Variants in STMN2 observed in about 807,000 individuals in gnomAD.
STMN2 encodes stathmin-2.
STMN2 carries 2 observed loss-of-function variants against 24.1 expected under a neutral mutation model. That is an observed-to-expected ratio of 0.08 (90% CI 0.03 to 0.26). STMN2 has a LOEUF of 0.26. STMN2 is among the 10% of genes least tolerant of loss of function. STMN2 has a pLI of 1.00. For missense variants in STMN2, 114 were observed against 213.6 expected, an observed-to-expected ratio of 0.53 and a Z score of 2.91; for synonymous variants, 83 against 77.5, an observed-to-expected ratio of 1.07 and a Z score of -0.37.
chr8:79,655,178 A>G, intron 4 of STMN2, 116 bp downstream of exon 4: 1 of 1,155,404 alleles, frequency 8.7e-7, no homozygotes, highest in Non-Finnish European at 1.2e-6. Context: ...TGTGAGGACA[A>G]CTAACTCCCA....
chr8:79,647,385 T>C (rs928919820), intron 3 of STMN2, among the ~76,000 whole-genome samples: 1 of 152,236 alleles, frequency 6.6e-6, no homozygotes, highest in South Asian at 2.1e-4. Context: ...AACTTACGAG[T>C]TCTCCTCCCT....
chr8:79,638,051 T>C (rs1810006955), intron 2 of STMN2, among the ~76,000 whole-genome samples: 1 of 152,366 alleles, frequency 6.6e-6, no homozygotes, highest in Non-Finnish European at 1.5e-5. Context: ...TTGTACAAAT[T>C]CATTCGGTCA....
At chr8:79,626,993 AG>A (rs1809673060) in intron 1 of STMN2, among the ~76,000 whole-genome samples, 1 of 152,188 alleles carries the variant, frequency 6.6e-6, no homozygotes, top group African/African-American at 2.4e-5. Context: ...TTCTGTGTTT[AG>A]GAAGACACAA....
chr8:79,645,385 C>T (rs79476409), intron 3 of STMN2, among the ~76,000 whole-genome samples: 6,999 of 152,150 alleles, frequency 0.046, 268 homozygotes, highest in East Asian at 0.22. Context: ...GTGTATTTTA[C>T]GTTTACAACT....
chr8:79,663,557 TA>T, intron 4 of STMN2: 1 of 1,456,468 alleles, frequency 6.9e-7, no homozygotes, highest in Non-Finnish European at 9.2e-7. Flanking sequence ...TAATAGAGTT[TA>T]ACGATAAGTT....
chr8:79,625,246 A>G (rs941843291), intron 1 of STMN2, among the ~76,000 whole-genome samples: 2 of 152,150 alleles, frequency 1.3e-5, no homozygotes, highest in Non-Finnish European at 2.9e-5. Flanking sequence ...ACCCAACTAT[A>G]TTGATGACTT....
At chr8:79,633,092 C>T (rs1377362401) in intron 1 of STMN2, among the ~76,000 whole-genome samples, 1 of 152,094 alleles carries the variant, frequency 6.6e-6, no homozygotes, top group Non-Finnish European at 1.5e-5. Flanking sequence ...GTTTGTTTCC[C>T]GATGACATAC....
At chr8:79,620,723 G>C (rs1418455379) in intron 1 of STMN2, among the ~76,000 whole-genome samples, 1 of 151,958 alleles carries the variant, frequency 6.6e-6, no homozygotes, top group Non-Finnish European at 1.5e-5. Context: ...CCACCAAAAG[G>C]CTGAAAAATT....
intron 1 of STMN2, among the ~76,000 whole-genome samples, chr8:79,623,243 G>A (rs1049235736): frequency 2.6e-5 from 4 of 152,148 alleles, no homozygotes; most frequent in Admixed American, 6.5e-5. Context: ...GGAAAGCAAC[G>A]CCTTTACAAT....
At chr8:79,639,998 G>A (rs1341263617) in intron 2 of STMN2, among the ~76,000 whole-genome samples, 6 of 152,174 alleles carry the variant, frequency 3.9e-5, no homozygotes, top group African/African-American at 1.4e-4. Flanking sequence ...TCAGGAGTTC[G>A]AGACCAGCCT....
intron 1 of STMN2, among the ~76,000 whole-genome samples, chr8:79,616,545 G>A (rs983777337): frequency 6.6e-6 from 1 of 152,030 alleles, no homozygotes; most frequent in Non-Finnish European, 1.5e-5. Context: ...AATACATCTG[G>A]CTTGAGGCAG....
chr8:79,621,323 T>C (rs187780573), intron 1 of STMN2, among the ~76,000 whole-genome samples: 1 of 152,210 alleles, frequency 6.6e-6, no homozygotes, highest in East Asian at 1.9e-4. Context: ...AGAAGTTGAG[T>C]TTTTAAATTG....
intron 1 of STMN2, among the ~76,000 whole-genome samples, chr8:79,619,411 C>T (rs932715706): frequency 1.7e-4 from 26 of 152,108 alleles, no homozygotes; most frequent in Admixed American, 6.6e-4. Context: ...AGTTTAACTT[C>T]CATTAACAAA....
intron 3 of STMN2, among the ~76,000 whole-genome samples, chr8:79,653,929 A>G (rs910934767): frequency 3.9e-5 from 6 of 152,210 alleles, no homozygotes; most frequent in African/African-American, 9.6e-5. Context: ...GTTACGTAAC[A>G]CATCCTGGGT....
chr8:79,662,953 C>T (rs1806531315), intron 4 of STMN2, among the ~76,000 whole-genome samples: 1 of 152,060 alleles, frequency 6.6e-6, no homozygotes, highest in Non-Finnish European at 1.5e-5. Context: ...AATAGCAGAA[C>T]AAAAAGAAGA....
intron 2 of STMN2, among the ~76,000 whole-genome samples, chr8:79,638,887 TG>T (rs1486825830): frequency 2.0e-5 from 3 of 152,190 alleles, no homozygotes; most frequent in Non-Finnish European, 4.4e-5. Context: ...TATTTGCCCG[TG>T]TTCTCTTATA....
chr8:79,614,746 T>C (rs1809343441), intron 1 of STMN2, among the ~76,000 whole-genome samples: 1 of 152,262 alleles, frequency 6.6e-6, no homozygotes, highest in Non-Finnish European at 1.5e-5. Context: ...TGTAGTAAAT[T>C]ATTCTATTCT....
At chr8:79,644,603 G>A (rs1056502646) in intron 3 of STMN2, among the ~76,000 whole-genome samples, 1 of 152,172 alleles carries the variant, frequency 6.6e-6, no homozygotes, top group African/African-American at 2.4e-5. Flanking sequence ...GAATTGTGGA[G>A]GGGTAGTTCC....
intron 1 of STMN2, among the ~76,000 whole-genome samples, chr8:79,625,264 G>T (rs897668190): frequency 3.3e-5 from 5 of 151,894 alleles, no homozygotes; most frequent in African/African-American, 7.3e-5. Flanking sequence ...CTTCTTTTAG[G>T]CTAGAAACTT....
Sources: gnomAD v4.1 joint callset for allele counts (sites outside exome capture counted in the v4.1 genomes callset) on GRCh38, gnomAD v4.1.1 for gene constraint, MANE v1.5 for transcripts, NCBI Gene and HGNC (gene_info 2026-07-23, HGNC 2026-07-21) for gene names.